LIMS1: variants seen among roughly 807,000 people sequenced by gnomAD.
LIMS1 encodes the protein LIM and senescent cell antigen-like-containing domain protein 1.
LIMS1 carries 18 observed loss-of-function variants against 44.1 expected under a neutral mutation model. That is an observed-to-expected ratio of 0.41 (90% CI 0.28 to 0.61). The LOEUF is 0.61. LIMS1 is among the 20% of genes least tolerant of loss of function. LIMS1 has a pLI of 0.32. For synonymous variants in LIMS1, 93 were observed against 149.1 expected (o/e 0.62, Z 2.74); for missense variants, 201 against 422.0 (o/e 0.48, Z 4.59).
chr2:108,550,781 A>C (rs2104587263), intron 1 of LIMS1, among the ~76,000 whole-genome samples: 1 of 150,084 alleles, frequency 6.7e-6, no homozygotes, highest in Non-Finnish European at 1.5e-5. Flanking sequence ...GTGCCACTGC[A>C]CTCCAGCCTG....
At chr2:108,537,958 CT>C (rs149401518) in intron 1 of LIMS1, among the ~76,000 whole-genome samples, 3,827 of 152,240 alleles carry the variant, frequency 0.025, 63 homozygotes, top group African/African-American at 0.033. Context: ...TGTGTTTGCT[CT>C]TTGGATAATC....
chr2:108,609,186 A>T (rs1051026146), intron 1 of LIMS1, among the ~76,000 whole-genome samples: 4 of 152,186 alleles, frequency 2.6e-5, no homozygotes, highest in Non-Finnish European at 5.9e-5. Flanking sequence ...GGCTAAATAC[A>T]TGCAAAATAA....
chr2:108,582,202 T>C (rs777775455), intron 1 of LIMS1, among the ~76,000 whole-genome samples: 2 of 152,212 alleles, frequency 1.3e-5, no homozygotes, highest in Non-Finnish European at 2.9e-5. Flanking sequence ...AGAAATCCTC[T>C]GGGTCTGTCG....
At chr2:108,580,873 C>T (rs1355196207) in intron 1 of LIMS1, among the ~76,000 whole-genome samples, 2 of 152,206 alleles carry the variant, frequency 1.3e-5, no homozygotes, top group African/African-American at 4.8e-5. Context: ...AAGCAGACCA[C>T]ATTTAATTTA....
At chr2:108,646,063 C>T (rs1558826171) in intron 1 of LIMS1, among the ~76,000 whole-genome samples, 1 of 152,078 alleles carries the variant, frequency 6.6e-6, no homozygotes, top group Non-Finnish European at 1.5e-5. Flanking sequence ...ACTTTAACAC[C>T]CCACTGTCAA....
At chr2:108,601,811 C>A (rs1362895909) in intron 1 of LIMS1, among the ~76,000 whole-genome samples, 3 of 152,200 alleles carry the variant, frequency 2.0e-5, no homozygotes, top group African/African-American at 7.2e-5. Flanking sequence ...GCCACTGCAC[C>A]CAGCCTAGAA....
At chr2:108,600,279 T>TA (rs1269013879) in intron 1 of LIMS1, among the ~76,000 whole-genome samples, 2 of 151,300 alleles carry the variant, frequency 1.3e-5, no homozygotes, top group Non-Finnish European at 1.5e-5. Flanking sequence ...TTGAACTCCT[T>TA]ACCTCAGGTG....
Position 108,660,387 on chromosome 2 carries a change from G to A in LIMS1, c.192+623G>A, listed in dbSNP as rs879111188. The A allele has an allele frequency of 2.9e-4, 128 of 448,344 alleles. 2 individuals are homozygous for A. The highest frequency in any genetic ancestry group is 2.0e-3 in the South Asian group (122 of 61,032). 27.8% of individuals were successfully genotyped at this position (448,344 alleles called of 1,614,324 possible). On this transcript the variant is annotated intron_variant, in intron 2 of 9. Transcript: ENST00000544547. Reference sequence around the variant, plus strand: ...ATATGGTCTGCACTTCCTTTGTAGTGTATTTGGTATTTTCAACATTACCGA... The same window carrying A: ...ATATGGTCTGCACTTCCTTTGTAGTATATTTGGTATTTTCAACATTACCGA...
intron 1 of LIMS1, among the ~76,000 whole-genome samples, chr2:108,551,489 GCGCACA>G (rs1364009966): frequency 0.017 from 1,896 of 111,888 alleles, 29 homozygotes; most frequent in African/African-American, 0.035. Context: ...ATGCGCGCGC[GCGCACA>G]CACACACACA....
At chr2:108,580,422 A>AACT (rs1351142364) in intron 1 of LIMS1, among the ~76,000 whole-genome samples, 4 of 152,182 alleles carry the variant, frequency 2.6e-5, no homozygotes, top group Non-Finnish European at 5.9e-5. Flanking sequence ...TGGTCAGGAC[A>AACT]ACTAGATCTG....
chr2:108,652,877 C>T (rs4012001), intron 1 of LIMS1, among the ~76,000 whole-genome samples: 8 of 151,254 alleles, frequency 5.3e-5, no homozygotes, highest in South Asian at 4.2e-4. Context: ...TCTCTTTCTT[C>T]CCCTCCCTCC....
intron 2 of LIMS1, among the ~76,000 whole-genome samples, chr2:108,665,451 G>A (rs1410597024): frequency 1.3e-5 from 2 of 152,194 alleles, no homozygotes; most frequent in Non-Finnish European, 2.9e-5. Flanking sequence ...TTATCTGGCG[G>A]ATGACTGCAT....
chr2:108,534,733 C>G (rs1230551767), intron 1 of LIMS1, 139 bp downstream of exon 1: 7 of 301,660 alleles, frequency 2.3e-5, no homozygotes, highest in Admixed American at 1.3e-4. Flanking sequence ...GGAGCCCCGA[C>G]CCCCAGCGCT....
rs145483135 is a variant in LIMS1, at chr2:108,547,433, A to C, written c.32+12839A>C. Among the ~76,000 whole-genome samples the C allele has an allele frequency of 8.6e-3, 1,304 of 152,232 alleles. 12 individuals are homozygous for C. The highest frequency in any genetic ancestry group is 0.012 in the Non-Finnish European group (835 of 67,990). On this transcript the variant is annotated intron_variant, in intron 1 of 9. Coordinates refer to ENST00000544547, the Ensembl canonical transcript of LIMS1. Reference sequence around the variant, plus strand: ...GGGTGGACACTCTCTTGGGTGGGATAGTTCTCTCATAGCTGGGCCCACAAC... The same window carrying C: ...GGGTGGACACTCTCTTGGGTGGGATCGTTCTCTCATAGCTGGGCCCACAAC...
chr2:108,582,371 A>G (rs1685919311), intron 1 of LIMS1, among the ~76,000 whole-genome samples: 1 of 152,236 alleles, frequency 6.6e-6, no homozygotes, highest in Admixed American at 6.5e-5. Flanking sequence ...CAGGACTTTG[A>G]TGCTGGTTAA....
intron 1 of LIMS1, among the ~76,000 whole-genome samples, chr2:108,576,708 A>G (rs1032835354): frequency 6.6e-6 from 1 of 152,224 alleles, no homozygotes; most frequent in Admixed American, 6.5e-5. Context: ...CACAAGTTAA[A>G]GTGCCCTTTA....
intron 1 of LIMS1, among the ~76,000 whole-genome samples, chr2:108,595,534 C>A (rs1686633224): frequency 1.3e-5 from 2 of 152,116 alleles, no homozygotes; most frequent in African/African-American, 4.8e-5. Context: ...TTCCCTTGGT[C>A]TTCTTTCTTC....
chr2:108,634,438 A>G (rs1212366113), intron 1 of LIMS1, among the ~76,000 whole-genome samples: 1 of 152,228 alleles, frequency 6.6e-6, no homozygotes, highest in African/African-American at 2.4e-5. Context: ...TTACTGCATT[A>G]CATTTTAGGT....
chr2:108,585,395 A>G (rs1686060331), intron 1 of LIMS1, among the ~76,000 whole-genome samples: 2 of 151,910 alleles, frequency 1.3e-5, no homozygotes, highest in Non-Finnish European at 2.9e-5. Flanking sequence ...GAGAGAGGGC[A>G]CATTAAGATG....
Sources: allele counts gnomAD v4.1 joint callset (sites outside exome capture counted in the v4.1 genomes callset), GRCh38; gene constraint gnomAD v4.1.1; transcripts MANE v1.5; gene names NCBI Gene and HGNC (gene_info 2026-07-23, HGNC 2026-07-21).